The following NPSR1 variants were observed in gnomAD, a reference collection of about 807,000 sequenced individuals.
NPSR1 encodes the protein neuropeptide S receptor.
A neutral mutation model predicts 46.9 loss-of-function variants in NPSR1; 48 were observed. The observed-to-expected ratio is 1.02, with a 90% CI of 0.81 to 1.30. The LOEUF (loss-of-function observed/expected upper bound fraction) is 1.30. Ranked by LOEUF, NPSR1 falls within the 50% of genes most tolerant of loss-of-function variation. The probability of loss-of-function intolerance (pLI) is 0.00; values close to 1 mark genes in which losing one functional copy is unlikely to be tolerated. For missense variants in NPSR1, 450 were observed against 449.5 expected (o/e 1.00, Z -0.01); for synonymous variants, 176 against 168.1 (o/e 1.05, Z -0.36).
intron 2 of NPSR1, among the ~76,000 whole-genome samples, chr7:34,691,987 T>G (rs1272007337): frequency 2.0e-5 from 3 of 152,062 alleles, no homozygotes; most frequent in Admixed American, 1.3e-4. Context: ...AAAAATTAAT[T>G]AAGCATAGTA....
chr7:34,846,968 C>A (rs1472029574), intron 7 of NPSR1, among the ~76,000 whole-genome samples: 1 of 152,102 alleles, frequency 6.6e-6, no homozygotes, highest in Non-Finnish European at 1.5e-5. Context: ...ATCCTCCAAC[C>A]CAACTTACAC....
At chr7:34,770,624 A>G (rs2128732985) in intron 2 of NPSR1, among the ~76,000 whole-genome samples, 3 of 152,220 alleles carry the variant, frequency 2.0e-5, no homozygotes, top group Admixed American at 2.0e-4. Context: ...GGGGGAGGGT[A>G]TTTCAAGCAG....
chr7:34,868,083 G>T (rs972080028), intron 8 of NPSR1, among the ~76,000 whole-genome samples: 5 of 151,826 alleles, frequency 3.3e-5, no homozygotes, highest in African/African-American at 1.2e-4. Flanking sequence ...CAAATAATCT[G>T]CAGGCACAGT....
At chr7:34,791,260 ATATGT>A (rs1292405225) in intron 3 of NPSR1, among the ~76,000 whole-genome samples, 2 of 137,044 alleles carry the variant, frequency 1.5e-5, no homozygotes, top group East Asian at 2.0e-4. Context: ...GTTATATATT[ATATGT>A]TATAAGTTAT....
At chr7:34,699,792 C>T (rs1793728921) in intron 2 of NPSR1, among the ~76,000 whole-genome samples, 1 of 152,114 alleles carries the variant, frequency 6.6e-6, no homozygotes, top group Non-Finnish European at 1.5e-5. Flanking sequence ...AGAGATTCAA[C>T]ATATAAATTT....
chr7:34,817,486 G>T (rs1226603183), intron 4 of NPSR1, among the ~76,000 whole-genome samples: 1 of 53,894 alleles, frequency 1.9e-5, no homozygotes, highest in African/African-American at 7.7e-5. Context: ...TCTACCAAAG[G>T]TACAAAGAGG....
At chr7:34,714,978 T>G (rs756700015) in intron 2 of NPSR1, among the ~76,000 whole-genome samples, 16 of 152,338 alleles carry the variant, frequency 1.1e-4, no homozygotes, top group South Asian at 6.2e-4. Context: ...GCTGGTATAC[T>G]TCACAGTAAT....
intron 1 of NPSR1, among the ~76,000 whole-genome samples, chr7:34,672,558 C>A: frequency 6.6e-6 from 1 of 152,102 alleles, no homozygotes. Context: ...GATCTACGGC[C>A]CATGGTACTG....
intron 8 of NPSR1, among the ~76,000 whole-genome samples, chr7:34,868,140 T>C (rs1277204327): frequency 2.0e-5 from 3 of 151,700 alleles, no homozygotes; most frequent in African/African-American, 7.3e-5. Flanking sequence ...ATTTTCTTTA[T>C]TAAAGAGCAA....
chr7:34,751,943 G>T, intron 2 of NPSR1: 1 of 1,216,566 alleles, frequency 8.2e-7, no homozygotes, highest in Non-Finnish European at 1.2e-6. Flanking sequence ...GAGGCAACTG[G>T]AAGTGGGGGT....
At chr7:34,696,608 T>C (rs1375303473) in intron 2 of NPSR1, among the ~76,000 whole-genome samples, 1 of 151,762 alleles carries the variant, frequency 6.6e-6, no homozygotes, top group African/African-American at 2.4e-5. Flanking sequence ...TAAATGTAGC[T>C]AAAGAAGAAA....
chr7:34,752,802 G>C (rs1311038475), intron 2 of NPSR1, among the ~76,000 whole-genome samples: 1 of 152,094 alleles, frequency 6.6e-6, no homozygotes, highest in African/African-American at 2.4e-5. Context: ...TCTCTACCTG[G>C]ATGCCCTTCT....
At chr7:34,805,017 T>G (rs1267550992) in intron 3 of NPSR1, among the ~76,000 whole-genome samples, 1 of 150,128 alleles carries the variant, frequency 6.7e-6, no homozygotes, top group African/African-American at 2.4e-5. Flanking sequence ...ACTACAAAAC[T>G]GATGGAAAAA....
In NPSR1 at chr7:34,848,552, C is replaced by T. The variant is rs761525067; in HGVS notation, c.914C>T (p.Thr305Ile). The T allele has an allele frequency of 1.9e-6, 3 of 1,614,180 alleles. No homozygotes were observed. Among genetic ancestry groups the T allele is most frequent in the Non-Finnish European group, 2.5e-6 (3 of 1,180,010 alleles). Residue 305 changes from threonine (T) to isoleucine (I), a missense_variant, in exon 8 of 9, where the codon ACC becomes ATC. Coordinates refer to ENST00000360581, the MANE Select transcript of NPSR1 (RefSeq NM_207172.2). The part of the protein sequence containing the change: ...ILDNFNLLPD[T>I]QERFYASVII... ...GACAATTTCAACCTCCTTCCAGACA[C>T]CCAGGAGCGTTTCTATGCCTCTGTG...
At chr7:34,805,638 G>A (rs947076251) in intron 3 of NPSR1, among the ~76,000 whole-genome samples, 1 of 151,836 alleles carries the variant, frequency 6.6e-6, no homozygotes, top group Non-Finnish European at 1.5e-5. Context: ...CTTTGTCTAT[G>A]AGTTTTTAGA....
chr7:34,693,007 C>T (rs1351864205), intron 2 of NPSR1, among the ~76,000 whole-genome samples: 1 of 152,122 alleles, frequency 6.6e-6, no homozygotes, highest in East Asian at 1.9e-4. Flanking sequence ...AGGACCATCC[C>T]CCTTGGGCAC....
intron 2 of NPSR1, chr7:34,750,452 T>C: frequency 2.7e-6 from 2 of 740,184 alleles, no homozygotes; most frequent in Non-Finnish European, 5.1e-6. Context: ...GACGAAGTCA[T>C]TGTCTGAGGC....
chr7:34,701,303 GC>G (rs1583838080), intron 2 of NPSR1, among the ~76,000 whole-genome samples: 3 of 152,202 alleles, frequency 2.0e-5, no homozygotes, highest in African/African-American at 4.8e-5. Flanking sequence ...TTATTAATCA[GC>G]AAAGATACAC....
chr7:34,857,113 T>C (rs541799641), intron 8 of NPSR1, among the ~76,000 whole-genome samples: 2 of 151,892 alleles, frequency 1.3e-5, no homozygotes, highest in East Asian at 3.9e-4. Context: ...TATAATACTA[T>C]TGAGATATAT....
Sources: gnomAD v4.1 joint callset for allele counts (sites outside exome capture counted in the v4.1 genomes callset) on GRCh38, gnomAD v4.1.1 for gene constraint, MANE v1.5 for transcripts, NCBI Gene and HGNC (gene_info 2026-07-23, HGNC 2026-07-21) for gene names.